The following FLT1 variants were observed in gnomAD, a reference collection of about 807,000 sequenced individuals.
The protein encoded by FLT1 is vascular endothelial growth factor receptor 1.
FLT1 carries 49 observed loss-of-function variants against 156.3 expected under a neutral mutation model. That is an observed-to-expected ratio of 0.31 (90% confidence interval 0.25 to 0.40). The LOEUF (loss-of-function observed/expected upper bound fraction) is 0.40, where lower values mean the gene tolerates loss of function less well. FLT1 is among the 10% of genes least tolerant of loss of function. The pLI, the probability that FLT1 is intolerant of heterozygous loss-of-function variation, is 1.00. For missense variants in FLT1, 1,322 were observed against 1,637.2 expected (o/e 0.81, Z 3.32); for synonymous variants, 594 against 583.8 (o/e 1.02, Z -0.25).
At chr13:28,345,888 C>A in intron 15 of FLT1, 1 of 245,676 alleles carries the variant, frequency 4.1e-6, no homozygotes, top group South Asian at 6.6e-5. Context: ...AAAATTAAGG[C>A]AGGAACAAAA....
intron 19 of FLT1, among the ~76,000 whole-genome samples, chr13:28,328,692 C>T (rs1002147788): frequency 6.6e-6 from 1 of 152,222 alleles, no homozygotes; most frequent in African/African-American, 2.4e-5. Context: ...CAGAGTTCGG[C>T]TCCCGCATGG....
At chr13:28,360,365 T>C (rs1227234271) in intron 14 of FLT1, among the ~76,000 whole-genome samples, 1 of 152,208 alleles carries the variant, frequency 6.6e-6, no homozygotes, top group East Asian at 1.9e-4. Flanking sequence ...AAATCAAGGA[T>C]GCTGAAGAGA....
chr13:28,311,222 G>T (rs1870986705), intron 27 of FLT1, among the ~76,000 whole-genome samples: 1 of 152,160 alleles, frequency 6.6e-6, no homozygotes, highest in Non-Finnish European at 1.5e-5. Context: ...CTCCCAAAGT[G>T]CTGCGATTAC....
chr13:28,471,471 A>G (rs1880175619), intron 1 of FLT1, among the ~76,000 whole-genome samples: 1 of 152,226 alleles, frequency 6.6e-6, no homozygotes. Flanking sequence ...CTATCTGAGT[A>G]ACAAAGATTC....
At chr13:28,377,585 T>G (rs61763194) in intron 14 of FLT1, among the ~76,000 whole-genome samples, 2,345 of 152,350 alleles carry the variant, frequency 0.015, 58 homozygotes, top group African/African-American at 0.053. Context: ...GATTTTTGGT[T>G]CTTCAGATTT....
intron 29 of FLT1, among the ~76,000 whole-genome samples, chr13:28,305,890 C>A (rs906436477): frequency 6.6e-6 from 1 of 152,198 alleles, no homozygotes; most frequent in Non-Finnish European, 1.5e-5. Context: ...GACACCCCTG[C>A]TAATGGCAGT....
chr13:28,364,908 G>C (rs1438560500), intron 14 of FLT1, among the ~76,000 whole-genome samples: 2 of 152,024 alleles, frequency 1.3e-5, no homozygotes, highest in Admixed American at 6.6e-5. Context: ...AAATGGTCTT[G>C]ACTATTCTTG....
chr13:28,350,892 C>A (rs559717044), intron 15 of FLT1, among the ~76,000 whole-genome samples: 27 of 151,352 alleles, frequency 1.8e-4, no homozygotes, highest in Non-Finnish European at 3.8e-4. Flanking sequence ...TCCTCCCTTT[C>A]TTCCTTCCTT....
intron 14 of FLT1, among the ~76,000 whole-genome samples, chr13:28,366,169 T>C (rs1291628285): frequency 6.6e-6 from 1 of 152,222 alleles, no homozygotes; most frequent in East Asian, 1.9e-4. Context: ...TCAACTTATA[T>C]AGATCTACTG....
intron 10 of FLT1, among the ~76,000 whole-genome samples, chr13:28,418,658 G>T (rs1466837750): frequency 2.0e-5 from 3 of 152,052 alleles, no homozygotes; most frequent in Non-Finnish European, 4.4e-5. Flanking sequence ...CAACCTCCCG[G>T]GCTCAAGCCT....
At chr13:28,438,712 C>T (rs903404696) in intron 3 of FLT1, among the ~76,000 whole-genome samples, 5 of 152,168 alleles carry the variant, frequency 3.3e-5, no homozygotes, top group Admixed American at 6.5e-5. Flanking sequence ...CCTCAGGAAG[C>T]GCCCTCCAGA....
chr13:28,434,340 G>T (rs907213960), intron 4 of FLT1, 120 bp from the exon 5 acceptor site: 1 of 990,792 alleles, frequency 1.0e-6, no homozygotes, highest in Non-Finnish European at 1.5e-6. Flanking sequence ...AAACTTTGTA[G>T]TTTGCTTATA....
chr13:28,490,308 T>C (rs941864056), intron 1 of FLT1, among the ~76,000 whole-genome samples: 3 of 152,228 alleles, frequency 2.0e-5, no homozygotes, highest in Non-Finnish European at 2.9e-5. Context: ...CATCCAGCTT[T>C]ACCAAGATGG....
At chr13:28,341,021 C>T (rs1001932405) in intron 16 of FLT1, among the ~76,000 whole-genome samples, 5 of 152,128 alleles carry the variant, frequency 3.3e-5, no homozygotes, top group African/African-American at 1.2e-4. Context: ...GTCCTGTATA[C>T]CCGAGCCCTG....
At chr13:28,415,572 C>T (rs1224018581) in intron 10 of FLT1, among the ~76,000 whole-genome samples, 1 of 152,154 alleles carries the variant, frequency 6.6e-6, no homozygotes, top group East Asian at 1.9e-4. Flanking sequence ...AATCACACCC[C>T]TTGCAAGAAT....
chr13:28,300,388 A>G lies in FLT1; in HGVS notation c.*2779T>C. 3 of 233,302 alleles carry G rather than the reference A, an allele frequency of 1.3e-5. No individual in the cohort carries two copies. The highest frequency in any genetic ancestry group is 1.2e-4 in the East Asian group (2 of 16,584). 14.5% of individuals were successfully genotyped at this position (233,302 alleles called of 1,614,324 possible). ...ATTATATGAAGATGGTATACAAAAT[A>G]CATTCATCATGACTAGAAATATAGG... On this transcript the variant is annotated 3_prime_UTR_variant, in exon 30 of 30. Transcript: ENST00000282397.
At chr13:28,407,251 ATTGT>A (rs1392164676) in intron 10 of FLT1, among the ~76,000 whole-genome samples, 1 of 152,138 alleles carries the variant, frequency 6.6e-6, no homozygotes, top group African/African-American at 2.4e-5. Flanking sequence ...ACTTTCTTTA[ATTGT>A]TTATTATTAT....
At chr13:28,482,264 T>A (rs536979315) in intron 1 of FLT1, among the ~76,000 whole-genome samples, 7 of 152,006 alleles carry the variant, frequency 4.6e-5, no homozygotes, top group Admixed American at 1.3e-4. Context: ...CATGAAGAAA[T>A]CCCATCTCTA....
chr13:28,379,341 A>C (rs7994452), intron 14 of FLT1, among the ~76,000 whole-genome samples: 11,277 of 152,274 alleles, frequency 0.074, 455 homozygotes, highest in South Asian at 0.13. Context: ...CTCAAAAAAA[A>C]CAAAACAAAA....
Sources: gnomAD v4.1 joint callset for allele counts (sites outside exome capture counted in the v4.1 genomes callset) on GRCh38, gnomAD v4.1.1 for gene constraint, MANE v1.5 for transcripts, NCBI Gene and HGNC (gene_info 2026-07-23, HGNC 2026-07-21) for gene names.